The following LRGUK variants were observed in gnomAD, a reference collection of about 807,000 sequenced individuals.
The protein encoded by LRGUK is leucine rich repeats and guanylate kinase domain containing.
A neutral mutation model predicts 76.0 loss-of-function variants in LRGUK; 65 were observed. The ratio of observed to expected loss-of-function variants is 0.85; its 90% CI spans 0.70 to 1.05. LRGUK has a LOEUF of 1.05. LRGUK is among the 50% of genes least tolerant of loss of function. The probability of loss-of-function intolerance (pLI) is 0.00; values close to 1 mark genes in which losing one functional copy is unlikely to be tolerated. For missense variants in LRGUK, 758 were observed against 732.8 expected (o/e 1.03, Z -0.40); for synonymous variants, 268 against 265.6 (o/e 1.01, Z -0.09).
At position 134,185,810 on chromosome 7, in the gene LRGUK, A is replaced by G. The variant is rs528760527; in HGVS notation, c.1334+1957A>G. On this transcript the variant is annotated intron_variant, in intron 11 of 15. Transcript: ENST00000645682. ...AACACTATTTCAAACAGGTCCATTTATTTAGATATTTAAAATTACATCCTT... is the reference window on the plus strand; with the variant it reads ...AACACTATTTCAAACAGGTCCATTTGTTTAGATATTTAAAATTACATCCTT... Among the ~76,000 whole-genome samples the G allele has an allele frequency of 2.2e-4, 33 of 152,330 alleles. 1 individual carries two copies. The highest frequency in any genetic ancestry group is 7.7e-4 in the African/African-American group (32 of 41,578).
At chr7:134,266,513 C>T (rs1427454878), downstream of LRGUK, among the ~76,000 whole-genome samples, 1 of 152,138 alleles carries the variant, frequency 6.6e-6, no homozygotes, top group Non-Finnish European at 1.5e-5. Flanking sequence ...AATTTTAAAA[C>T]TCATTGGATG....
intron 5 of LRGUK, among the ~76,000 whole-genome samples, chr7:134,153,739 G>A (rs568525023): frequency 1.2e-4 from 18 of 152,202 alleles, no homozygotes; most frequent in Non-Finnish European, 1.5e-4. Context: ...TAAACTATGC[G>A]TGTTTCTTTT....
exon 1 of LRGUK, chr7:134,127,554 C>G (rs568121273): frequency 1.8e-5 from 29 of 1,614,106 alleles, no homozygotes; most frequent in African/African-American, 1.2e-4. Context: ...CTACCTGCTC[C>G]AGCAGCTCAT....
intron 7 of LRGUK, among the ~76,000 whole-genome samples, chr7:134,166,833 C>T (rs1353701764): frequency 1.3e-5 from 2 of 152,160 alleles, no homozygotes; most frequent in South Asian, 2.1e-4. Flanking sequence ...TTTAATGTCC[C>T]CGGCAAGCAA....
At chr7:134,226,882 T>A (rs1468609534) in intron 16 of LRGUK, among the ~76,000 whole-genome samples, 1 of 152,190 alleles carries the variant, frequency 6.6e-6, no homozygotes, top group Non-Finnish European at 1.5e-5. Context: ...TACTTCTTTA[T>A]ATTCAAGAAC....
At chr7:134,263,807 C>G in intron 19 of LRGUK, 38 bp from the exon 20 acceptor site, 3 of 1,565,148 alleles carry the variant, frequency 1.9e-6, no homozygotes, top group Middle Eastern at 1.7e-4. Context: ...ACCAAGAAAC[C>G]AAGGGATTAA....
At chr7:134,164,358 A>G (rs1310111513) in intron 7 of LRGUK, among the ~76,000 whole-genome samples, 1 of 152,210 alleles carries the variant, frequency 6.6e-6, no homozygotes, top group African/African-American at 2.4e-5. Flanking sequence ...ACCAATCTGC[A>G]TGGTGGCTTG....
At chr7:134,196,820 C>A (rs1213889558) in intron 12 of LRGUK, among the ~76,000 whole-genome samples, 172 bp from the exon 13 acceptor site, 1 of 151,980 alleles carries the variant, frequency 6.6e-6, no homozygotes. Context: ...GAATAAATTT[C>A]TCTGTCACAG....
rs66632170 is a variant in LRGUK, at chr7:134,255,222, AACACACACACACACACACAC to A, written c.2199-3011_2199-2992del. Among the ~76,000 whole-genome samples the A allele has an allele frequency of 1.9e-3, 266 of 143,156 alleles. 1 individual carries two copies. Among genetic ancestry groups the A allele is most frequent in the African/African-American group, 6.6e-3 (257 of 38,716 alleles). 93.9% of individuals were successfully genotyped at this position (143,156 alleles called of 152,430 possible). A position where few individuals can be genotyped will look rare whatever the true frequency, so the allele number is the denominator to read the frequency against. ...CTGGGAATGTGACATATGTTATCTC[AACACACACACACACACACAC>A]ACACACACACACACACACACACAAA... is the stretch of plus-strand genomic sequence containing the variant. On this transcript the variant is annotated intron_variant, in intron 18 of 19. Transcript: ENST00000285928.
intron 16 of LRGUK, among the ~76,000 whole-genome samples, chr7:134,247,338 A>G (rs188239157): frequency 5.2e-4 from 79 of 152,300 alleles, no homozygotes; most frequent in Non-Finnish European, 8.4e-4. Flanking sequence ...TAGAGTTTAT[A>G]TATTATATTA....
intron 5 of LRGUK, among the ~76,000 whole-genome samples, chr7:134,157,677 C>T (rs907421177): frequency 1.3e-5 from 2 of 152,190 alleles, no homozygotes; most frequent in Non-Finnish European, 2.9e-5. Flanking sequence ...CACCCACCAC[C>T]ACGCCCGGCT....
intron 7 of LRGUK, among the ~76,000 whole-genome samples, chr7:134,171,761 A>G (rs993583422): frequency 1.5e-4 from 23 of 152,108 alleles, no homozygotes; most frequent in African/African-American, 5.3e-4. Flanking sequence ...ACTGCAAGCT[A>G]TTTGGGGTGC....
chr7:134,205,366 C>T (rs1800959228), intron 15 of LRGUK, among the ~76,000 whole-genome samples: 1 of 152,120 alleles, frequency 6.6e-6, no homozygotes, highest in African/African-American at 2.4e-5. Flanking sequence ...CTGGCCTCAC[C>T]TCTCATCAGC....
At chr7:134,138,248 A>G (rs1400762587) in intron 2 of LRGUK, among the ~76,000 whole-genome samples, 2 of 152,120 alleles carry the variant, frequency 1.3e-5, no homozygotes, top group Admixed American at 6.5e-5. Flanking sequence ...CTACCCCAAA[A>G]AGCAATCCTT....
At chr7:134,171,922 T>C (rs1418966167) in intron 7 of LRGUK, among the ~76,000 whole-genome samples, 1 of 152,136 alleles carries the variant, frequency 6.6e-6, no homozygotes, top group Non-Finnish European at 1.5e-5. Context: ...TGTGGCACTT[T>C]GCTAATTCAG....
At chr7:134,242,166 A>G (rs1369372317) in intron 16 of LRGUK, among the ~76,000 whole-genome samples, 1 of 152,206 alleles carries the variant, frequency 6.6e-6, no homozygotes, top group African/African-American at 2.4e-5. Context: ...GAGCAAACAC[A>G]TTCAAAAGCT....
rs769281860 is a variant in LRGUK at position 134,127,505 on chromosome 7, G to C, written c.138G>C (p.Met46Ile). 20 of 1,614,048 alleles carry C rather than the reference G, an allele frequency of 1.2e-5. 1 individual carries two copies. In the South Asian group the frequency reaches 2.1e-4, roughly 17 times the overall value. ...GTCAGCCTTGCTGGTCTTTTCCCATGGGGCAGAAGACGAAAGGCAGCTCTA... is the reference window on the plus strand; with the variant it reads ...GTCAGCCTTGCTGGTCTTTTCCCATCGGGCAGAAGACGAAAGGCAGCTCTA... Residue 46 changes from methionine (M) to isoleucine (I), a missense_variant, in exon 1 of 16, where the codon ATG (methionine) becomes ATC (isoleucine). Coordinates refer to ENST00000645682, the Ensembl canonical transcript of LRGUK.
intron 16 of LRGUK, among the ~76,000 whole-genome samples, chr7:134,245,198 C>CA (rs1802270244): frequency 6.6e-6 from 1 of 152,054 alleles, no homozygotes; most frequent in Non-Finnish European, 1.5e-5. Flanking sequence ...TAAAAACAAA[C>CA]AAAAAACAAA....
Position 134,140,731 on chromosome 7 carries a change from T to A in LRGUK, c.487+1214T>A, listed in dbSNP as rs138763910. 3.4e-3 allele frequency among the ~76,000 whole-genome samples: 516 copies of A among 152,260 alleles called. 1 individual carries two copies. The highest frequency in any genetic ancestry group is 0.012 in the African/African-American group (494 of 41,556). On this transcript the variant is annotated intron_variant, in intron 3 of 15. Coordinates refer to ENST00000645682, the Ensembl canonical transcript of LRGUK. The stretch of plus-strand genomic sequence containing the variant: ...CTAATAAAGTCCACTTTTTAACGAT[T>A]AAGAAATATTCTAGCCCATTTTCAT...
Sources: allele counts gnomAD v4.1 joint callset (sites outside exome capture counted in the v4.1 genomes callset), GRCh38; gene constraint gnomAD v4.1.1; transcripts MANE v1.5; gene names NCBI Gene and HGNC (gene_info 2026-07-23, HGNC 2026-07-21).